GPR89B: variants seen among roughly 807,000 people sequenced by gnomAD.
The protein encoded by GPR89B is golgi pH regulator B, also known as G protein-coupled receptor 89B.
GPR89B carries 25 observed loss-of-function variants against 52.4 expected under a neutral mutation model. The observed-to-expected ratio is 0.48, with a 90% confidence interval of 0.35 to 0.67. The LOEUF (loss-of-function observed/expected upper bound fraction) is 0.67, where lower values mean the gene tolerates loss of function less well. GPR89B is among the 30% of genes least tolerant of loss of function. The pLI is 0.01. For missense variants in GPR89B, 146 were observed against 450.2 expected (o/e 0.32, Z 6.11); for synonymous variants, 52 against 151.2 (o/e 0.34, Z 4.81).
At chr1:147,936,558 A>G in intron 1 of GPR89B, 69 bp from the exon 2 acceptor site, 1 of 1,112,280 alleles carries the variant, frequency 9.0e-7, no homozygotes, top group Non-Finnish European at 1.4e-6. Context: ...CTTTTATCAT[A>G]AAAGAGTTTC....
chr1:147,947,942 A>C (rs1553250082), intron 5 of GPR89B, among the ~76,000 whole-genome samples: 1 of 152,234 alleles, frequency 6.6e-6, no homozygotes, highest in Non-Finnish European at 1.5e-5. Context: ...GCATTACACA[A>C]ATATTTATTG....
rs1267656033 is a variant in GPR89B at position 147,990,959 on chromosome 1, G to A, written c.1096-1543G>A. ...TCTTTTTGGTTCCATATGAACTTTA[G>A]AGTAGTTTTTTCCAATTCTGTGAAG... On this transcript the variant is annotated intron_variant, in intron 12 of 13. Transcript: ENST00000314163. Among the ~76,000 whole-genome samples, 930 of 151,684 alleles carry A rather than the reference G, an allele frequency of 6.1e-3. 7 individuals are homozygous for A. The highest frequency in any genetic ancestry group is 0.021 in the African/African-American group (877 of 41,226).
intron 10 of GPR89B, among the ~76,000 whole-genome samples, chr1:147,979,074 C>T (rs1382251566): frequency 6.6e-6 from 1 of 151,504 alleles, no homozygotes; most frequent in South Asian, 2.1e-4. Context: ...AATCACTCAT[C>T]GCCTTCCTTG....
intron 10 of GPR89B, among the ~76,000 whole-genome samples, chr1:147,970,431 A>G (rs1403550570): frequency 6.8e-6 from 1 of 146,912 alleles, no homozygotes; most frequent in Non-Finnish European, 1.5e-5. Flanking sequence ...CGAGAGGCGG[A>G]CGTTGCAGTG....
At position 147,992,511 on chromosome 1, in the gene GPR89B, G is replaced by A. The variant is rs1659143063; in HGVS notation, c.1105G>A (p.Ala369Thr). 2 of 1,611,336 alleles carry A rather than the reference G, an allele frequency of 1.2e-6. 1 individual carries two copies. Among genetic ancestry groups the A allele is most frequent in the Non-Finnish European group, 1.7e-6 (2 of 1,179,556 alleles). ...CCCTCTTTCTTGACAGTTCTTTTAT[G>A]CCATCTCTAGCAGTAAGTCCTCCAA... is the stretch of plus-strand genomic sequence containing the variant. ...LLITLTKFFYAISSSKSSNVI... is the reference protein window; with the variant it reads ...LLITLTKFFYTISSSKSSNVI... Residue 369 changes from alanine (A) to threonine (T), a missense_variant, in exon 13 of 14, where the codon GCC becomes ACC. By Grantham distance (58) the Ala-to-Thr change is moderately conservative. Coordinates refer to ENST00000314163, the MANE Select transcript of GPR89B (RefSeq NM_016334.5).
downstream of GPR89B, among the ~76,000 whole-genome samples, chr1:147,997,640 TCA>T (rs1401856903): frequency 6.6e-6 from 1 of 152,158 alleles, no homozygotes; most frequent in Non-Finnish European, 1.5e-5. Context: ...GCCTCCATAA[TCA>T]CACAAGCCAA....
At chr1:147,942,487 G>A (rs1553249088) in intron 3 of GPR89B, among the ~76,000 whole-genome samples, 1 of 151,874 alleles carries the variant, frequency 6.6e-6, no homozygotes, top group East Asian at 1.9e-4. Flanking sequence ...GAAAACATAC[G>A]TCCACACCAA....
intron 10 of GPR89B, among the ~76,000 whole-genome samples, chr1:147,972,896 T>G (rs1346395144): frequency 7.3e-5 from 11 of 150,206 alleles, no homozygotes; most frequent in Non-Finnish European, 1.5e-4. Flanking sequence ...CACTTATAAG[T>G]GAGAACATGT....
the GPR89B span, chr1:148,009,204 G>A: frequency 1.6e-3 from 1,163 of 737,762 alleles, 11 homozygotes; most frequent in African/African-American, 0.019. Context: ...AGAGACGGAG[G>A]GAGGCAAGCT....
At chr1:148,018,292 G>C in the GPR89B span, among the ~76,000 whole-genome samples, 7 of 144,990 alleles carry the variant, frequency 4.8e-5, no homozygotes, top group East Asian at 1.2e-3. Context: ...GGTGGCGGGT[G>C]CCTTTAGTCC....
At chr1:148,019,167 G>A in the GPR89B span, among the ~76,000 whole-genome samples, 4 of 150,924 alleles carry the variant, frequency 2.7e-5, no homozygotes, top group South Asian at 8.4e-4. Context: ...AGTAGAGATG[G>A]GGTTTCACCA....
the GPR89B span, chr1:148,009,318 C>T: frequency 6.2e-7 from 1 of 1,605,398 alleles, no homozygotes; most frequent in Non-Finnish European, 8.5e-7. Context: ...CCCCTGCCTC[C>T]CCCTGCTCCC....
At chr1:147,938,244 G>A (rs6667038) in intron 2 of GPR89B, among the ~76,000 whole-genome samples, 2 of 152,122 alleles carry the variant, frequency 1.3e-5, no homozygotes, top group Non-Finnish European at 2.9e-5. Flanking sequence ...TTTCTAGGAT[G>A]TTCTCCATTA....
downstream of GPR89B, among the ~76,000 whole-genome samples, chr1:147,997,147 T>C (rs1659333593): frequency 1.3e-5 from 2 of 152,194 alleles, no homozygotes; most frequent in African/African-American, 4.8e-5. Context: ...GCAGAGTACA[T>C]TCTTCTGGCT....
intron 5 of GPR89B, among the ~76,000 whole-genome samples, chr1:147,945,562 A>G (rs1275660491): frequency 1.3e-5 from 2 of 152,320 alleles, no homozygotes. Context: ...TAAAATAAGA[A>G]TAACTTTCAA....
intron 12 of GPR89B, among the ~76,000 whole-genome samples, chr1:147,989,412 G>A (rs1571322334): frequency 1.3e-5 from 2 of 151,144 alleles, no homozygotes; most frequent in East Asian, 1.9e-4. Flanking sequence ...AGGACCTACT[G>A]AATTCAACTA....
the GPR89B span, chr1:148,014,409 A>C: frequency 6.6e-6 from 1 of 151,364 alleles, no homozygotes; most frequent in African/African-American, 2.5e-5. Flanking sequence ...GAGCCAAGGC[A>C]TGTCAGGAGA....
chr1:147,945,480 T>G (rs1295170430), intron 5 of GPR89B, among the ~76,000 whole-genome samples: 3 of 152,354 alleles, frequency 2.0e-5, no homozygotes, highest in African/African-American at 7.2e-5. Context: ...TATGAGACTC[T>G]CCTGCAGTAA....
intron 1 of GPR89B, among the ~76,000 whole-genome samples, chr1:147,931,308 A>G (rs1286008912): frequency 2.0e-5 from 3 of 152,260 alleles, no homozygotes; most frequent in African/African-American, 7.2e-5. Flanking sequence ...AGCAACTGTT[A>G]ACTAACTCAT....
Sources: gnomAD v4.1 joint callset for allele counts (sites outside exome capture counted in the v4.1 genomes callset) on GRCh38, gnomAD v4.1.1 for gene constraint, MANE v1.5 for transcripts, NCBI Gene and HGNC (gene_info 2026-07-23, HGNC 2026-07-21) for gene names.